The following PRKD2 variants were observed in gnomAD, a reference collection of about 807,000 sequenced individuals.
PRKD2 encodes the protein serine/threonine-protein kinase D2.
A neutral mutation model predicts 86.0 loss-of-function variants in PRKD2; 22 were observed. That is an observed-to-expected ratio of 0.26 (90% CI 0.18 to 0.37). The LOEUF is 0.37. Ranked by LOEUF, PRKD2 falls within the 10% of genes least tolerant of loss-of-function variation. The pLI is 1.00. For missense variants in PRKD2, 818 were observed against 1,199.2 expected, an observed-to-expected ratio of 0.68 and a Z score of 4.70; for synonymous variants, 509 against 510.9, an observed-to-expected ratio of 1.00 and a Z score of 0.05.
intron 2 of PRKD2, among the ~76,000 whole-genome samples, 179 bp from the exon 3 acceptor site, chr19:46,711,217 A>G (rs565853921): frequency 3.8e-4 from 58 of 152,232 alleles, no homozygotes; most frequent in Non-Finnish European, 7.2e-4. Flanking sequence ...ACCCCTGAAC[A>G]AAACACATAT....
At chr19:46,704,138 C>T (rs2053676520) in intron 5 of PRKD2, 31 bp downstream of exon 5, 1 of 1,612,414 alleles carries the variant, frequency 6.2e-7, no homozygotes. Flanking sequence ...GGTTCTGACC[C>T]TGTCTGTCCT....
chr19:46,694,300 A>T (rs2053526048), intron 9 of PRKD2, among the ~76,000 whole-genome samples, 167 bp from the exon 10 acceptor site: 1 of 152,142 alleles, frequency 6.6e-6, no homozygotes, highest in Non-Finnish European at 1.5e-5. Flanking sequence ...GTTCTTTTAT[A>T]ATTACTGGCA....
intron 3 of PRKD2, 152 bp from the exon 4 acceptor site, chr19:46,704,801 A>G: frequency 9.5e-7 from 1 of 1,055,912 alleles, no homozygotes; most frequent in Non-Finnish European, 1.3e-6. Context: ...TACTATCCGT[A>G]AGTGTATCAG....
Position 46,689,393 on chromosome 19 carries a change from C to T in PRKD2, c.1971+144G>A, listed in dbSNP as rs2053450563. The T allele has an allele frequency of 2.6e-5, 26 of 997,974 alleles. No individual in the cohort carries two copies. The South Asian group carries it at 3.9e-4, about 15-fold the overall frequency. 61.8% of individuals were successfully genotyped at this position (997,974 alleles called of 1,614,324 possible). On this transcript the variant is annotated intron_variant, in intron 14 of 17. Coordinates refer to ENST00000291281, the MANE Select transcript of PRKD2 (RefSeq NM_016457.5). ...AAAGTGCTGGGATTACGGGTGTGAG[C>T]CACTGCGCCCAGCCTGATGATGGTT... is the stretch of plus-strand genomic sequence containing the variant.
intron 10 of PRKD2, among the ~76,000 whole-genome samples, chr19:46,692,447 T>C (rs2053497020): frequency 6.6e-6 from 1 of 151,922 alleles, no homozygotes; most frequent in Non-Finnish European, 1.5e-5. Flanking sequence ...TGAATGTCTC[T>C]CTCTTCCACC....
intron 3 of PRKD2, chr19:46,710,654 A>G (rs907739355): frequency 2.0e-6 from 1 of 488,890 alleles, no homozygotes; most frequent in Non-Finnish European, 3.7e-6. Context: ...TCTGTTCTTA[A>G]GCCCCTACTT....
At chr19:46,691,677 C>A in intron 12 of PRKD2, 58 bp downstream of exon 12, 1 of 1,542,078 alleles carries the variant, frequency 6.5e-7, no homozygotes, top group Non-Finnish European at 9.0e-7. Context: ...AGGGCTGGAG[C>A]CACAGCAGCT....
intron 3 of PRKD2, among the ~76,000 whole-genome samples, chr19:46,708,335 T>TTTTTTTC (rs1555831673): frequency 9.4e-6 from 1 of 106,520 alleles, no homozygotes; most frequent in Non-Finnish European, 1.9e-5. Context: ...TTTTTTTTTT[T>TTTTTTTC]CTGAGACAAT....
intron 5 of PRKD2, among the ~76,000 whole-genome samples, chr19:46,701,332 C>T (rs150054547): frequency 8.5e-4 from 129 of 151,538 alleles, no homozygotes; most frequent in African/African-American, 3.0e-3. Flanking sequence ...CTCAAAATCC[C>T]GACGACTGCT....
chr19:46,714,147 C>A, intron 1 of PRKD2, 146 bp from the exon 2 acceptor site: 1 of 1,365,878 alleles, frequency 7.3e-7, no homozygotes, highest in Non-Finnish European at 9.5e-7. Flanking sequence ...CCTGCCCCCT[C>A]CCAACCCCAG....
chr19:46,711,095 G>T (rs1055193228), intron 2 of PRKD2, 57 bp from the exon 3 acceptor site: 22 of 1,524,928 alleles, frequency 1.4e-5, no homozygotes, highest in Admixed American at 6.0e-5. Flanking sequence ...AGCTTTTCCA[G>T]ACCCCACGTT....
chr19:46,681,597 C>T (rs1271915134), intron 15 of PRKD2, 53 bp downstream of exon 15: 12 of 960,896 alleles, frequency 1.2e-5, no homozygotes, highest in Non-Finnish European at 9.4e-6. Context: ...CACCCCCACC[C>T]CGGCCATCAG....
Position 46,693,933 on chromosome 19 carries a change from C to A in PRKD2, c.1518G>T (p.Gln506His). The A allele has an allele frequency of 6.2e-7, 1 of 1,610,880 alleles. No individual in the cohort carries two copies. Among genetic ancestry groups the A allele is most frequent in the Non-Finnish European group, 8.5e-7 (1 of 1,179,688 alleles). Residue 506 changes from glutamine (Q) to histidine (H), a missense_variant, in exon 10 of 18, where the codon CAG becomes CAT. This residue lies in a region of PRKD2 where 127 missense variants were observed against 157.8 expected (regional missense o/e 0.80). Coordinates refer to ENST00000291281, the MANE Select transcript of PRKD2 (RefSeq NM_016457.5). This position sits in a 1 kb window ranked among gnomAD's most constrained non-coding sequence, Gnocchi z 4.5. ...AARGWETAIR[Q>H]ALMPVILQDA... ...CCTGAAGGATGACGGGCATCAGGGC[C>A]TGGCGGATGGCTGTCTCCCAGCCCC...
At position 46,674,987 on chromosome 19, in the gene PRKD2, C is replaced by T. The variant is rs921333735; in HGVS notation, c.2424+46G>A. ...AGCCAATAAGCGATCTACTCCCACCCCTTCCTCCAATCCAGCCAATGGGCC... is the reference window on the plus strand; with the variant it reads ...AGCCAATAAGCGATCTACTCCCACCTCTTCCTCCAATCCAGCCAATGGGCC... On this transcript the variant is annotated intron_variant, in intron 17 of 17. Transcript: ENST00000291281. The T allele has an allele frequency of 3.9e-6, 6 of 1,521,122 alleles. No individual in the cohort carries two copies. The African/African-American group carries it at 4.1e-5, about 10-fold the overall frequency. 94.2% of individuals were successfully genotyped at this position (1,521,122 alleles called of 1,614,324 possible).
chr19:46,714,487 G>GT (rs1555833017), intron 1 of PRKD2: 1 of 148,012 alleles, frequency 6.8e-6, no homozygotes, highest in African/African-American at 2.5e-5. Flanking sequence ...TGGGGGGGGG[G>GT]GCCGGGGGAC....
chr19:46,691,131 C>A (rs1216286351), intron 12 of PRKD2, among the ~76,000 whole-genome samples: 1 of 152,094 alleles, frequency 6.6e-6, no homozygotes, highest in Non-Finnish European at 1.5e-5. Flanking sequence ...ACTCTAGGAT[C>A]TAGCTCTGTG....
rs781759427 is a variant in PRKD2, at chr19:46,700,812, C to T, written c.1108G>A (p.Gly370Ser). ...HASEEEEGEG[G>S]KAQSSLGYIP... ...TTCTGTGTATACCTCTGGGCCTTGC[C>T]TCCCTCGCCTTCCTCCTCCTCACTG... is the stretch of plus-strand genomic sequence containing the variant. The change falls in exon 7 of 18, where the codon GGC becomes AGC. Residue 370 changes from glycine to serine, a missense_variant. Coordinates refer to ENST00000291281, the MANE Select transcript of PRKD2 (RefSeq NM_016457.5). 2.5e-6 allele frequency: 4 copies of T among 1,614,122 alleles called. No homozygotes were observed. Among genetic ancestry groups the T allele is most frequent in the Non-Finnish European group, 3.4e-6 (4 of 1,179,970 alleles).
chr19:46,697,225 G>A lies in PRKD2; in HGVS notation c.1249C>T (p.His417Tyr). 1 of 1,591,226 alleles carries A rather than the reference G, an allele frequency of 6.3e-7. No homozygotes were observed. Among genetic ancestry groups the A allele is most frequent in the Non-Finnish European group, 8.6e-7 (1 of 1,159,658 alleles). Residue 417 changes from histidine (H) to tyrosine (Y), a missense_variant, in exon 9 of 18, where the codon CAC becomes TAC. By Grantham distance (83) the His-to-Tyr change is moderately conservative (BLOSUM62 2). Transcript: ENST00000291281. ...YSNKDTLRKR[H>Y]YWRLDCKCIT... is the part of the protein sequence containing the mutation. Reference sequence around the variant, plus strand: ...CACTTGCAGTCCAGGCGCCAATAGTGCCGCTTTCTCTGCAGAGATGTTTGA... The same window carrying A: ...CACTTGCAGTCCAGGCGCCAATAGTACCGCTTTCTCTGCAGAGATGTTTGA...
At chr19:46,704,679 T>G in intron 3 of PRKD2, 30 bp from the exon 4 acceptor site, 1 of 1,569,566 alleles carries the variant, frequency 6.4e-7, no homozygotes, top group Non-Finnish European at 8.6e-7. Flanking sequence ...GTAAGAGACA[T>G]GGCGTCTGCC....
Sources: allele counts gnomAD v4.1 joint callset (sites outside exome capture counted in the v4.1 genomes callset), GRCh38; gene constraint gnomAD v4.1.1; regional missense constraint gnomAD v4.1.1; non-coding constraint Gnocchi (gnomAD v3.1); transcripts MANE v1.5; gene names NCBI Gene and HGNC (gene_info 2026-07-23, HGNC 2026-07-21).